The following VASH2 variants were observed in gnomAD, a reference collection of about 807,000 sequenced individuals.
VASH2 encodes vasohibin 2.
A neutral mutation model predicts 37.2 loss-of-function variants in VASH2; 28 were observed. The ratio of observed to expected loss-of-function variants is 0.75; its 90% CI spans 0.56 to 1.03. The LOEUF is 1.03. Ranked by LOEUF, VASH2 falls within the 50% of genes least tolerant of loss-of-function variation. VASH2 has a pLI of 0.00. For missense variants in VASH2, 419 were observed against 459.1 expected, an observed-to-expected ratio of 0.91 and a Z score of 0.80; for synonymous variants, 188 against 174.7, an observed-to-expected ratio of 1.08 and a Z score of -0.60.
intron 7 of VASH2, among the ~76,000 whole-genome samples, chr1:212,978,809 G>A (rs990521519): frequency 2.0e-5 from 3 of 152,180 alleles, no homozygotes; most frequent in Non-Finnish European, 2.9e-5. Flanking sequence ...AGCAAATCCA[G>A]TAAGACTATG....
chr1:212,981,780 C>T (rs1352427456), intron 7 of VASH2, among the ~76,000 whole-genome samples: 2 of 152,186 alleles, frequency 1.3e-5, no homozygotes, highest in Non-Finnish European at 2.9e-5. Context: ...TGAGGGAACC[C>T]TGTGAACTTC....
intron 6 of VASH2, chr1:212,973,715 G>A (rs41309631): frequency 0.027 from 34,879 of 1,306,174 alleles, 519 homozygotes; most frequent in East Asian, 0.036. Context: ...CACGGCACAG[G>A]GAGCACAATG....
At position 212,970,911 on chromosome 1, in the gene VASH2, C is replaced by T. The variant is rs1666993374; in HGVS notation, c.498-1669C>T. 2.0e-5 allele frequency among the ~76,000 whole-genome samples: 3 copies of T among 148,606 alleles called. No individual in the cohort carries two copies. The Admixed American group carries it at 2.1e-4, about 10-fold the overall frequency. On this transcript the variant is annotated intron_variant, in intron 5 of 7. Transcript: ENST00000517399. ...TCTCAAAAAAATGAAAAAAAAAAGA[C>T]CACCATTCCTCCCCAGAAATGAAAC...
At chr1:212,956,754 T>C (rs1666508883) in intron 2 of VASH2, among the ~76,000 whole-genome samples, 1 of 152,246 alleles carries the variant, frequency 6.6e-6, no homozygotes, top group South Asian at 2.1e-4. Context: ...TTAATTTGCA[T>C]TTCTTATATT....
Position 212,951,895 on chromosome 1 carries a change from C to T in VASH2, c.276+77C>T. Reference sequence around the variant, plus strand: ...TGGGACCGTTTCAGCCTATACATAGCAAACACAGGCAATCTCCATTTTCCT... The same window carrying T: ...TGGGACCGTTTCAGCCTATACATAGTAAACACAGGCAATCTCCATTTTCCT... On this transcript the variant is annotated intron_variant, in intron 2 of 7. Transcript: ENST00000517399. The surrounding 1 kb of genome is among the most constrained non-coding windows in gnomAD (Gnocchi z 4.4). 6.9e-7 allele frequency: 1 copy of T among 1,450,060 alleles called. No individual in the cohort carries two copies. The highest frequency in any genetic ancestry group is 2.1e-5 in the Admixed American group (1 of 46,926). 89.8% of individuals were successfully genotyped at this position (1,450,060 alleles called of 1,614,324 possible). A position where few individuals can be genotyped will look rare whatever the true frequency, so the allele number is the denominator to read the frequency against.
intron 6 of VASH2, chr1:212,973,399 T>C (rs1284470933): frequency 1.5e-6 from 2 of 1,291,650 alleles, no homozygotes; most frequent in Non-Finnish European, 2.0e-6. Flanking sequence ...AGTGATGTGA[T>C]TCCCGCTTGT....
intron 3 of VASH2, among the ~76,000 whole-genome samples, chr1:212,962,305 A>C (rs1430526107): frequency 6.6e-6 from 1 of 152,202 alleles, no homozygotes; most frequent in East Asian, 1.9e-4. Context: ...GAGGAGTCAG[A>C]TGGGAAGCTG....
chr1:212,957,243 A>C (rs557949014), intron 2 of VASH2, among the ~76,000 whole-genome samples: 1 of 152,194 alleles, frequency 6.6e-6, no homozygotes, highest in Non-Finnish European at 1.5e-5. Context: ...ACTGTATACC[A>C]TCGTATATTC....
intron 4 of VASH2, 99 bp from the exon 5 acceptor site, chr1:212,966,171 TG>T: frequency 9.9e-7 from 1 of 1,010,062 alleles, no homozygotes; most frequent in Non-Finnish European, 1.5e-6. Flanking sequence ...TGCTCCTGTG[TG>T]GTTCCTGGTG....
intron 2 of VASH2, among the ~76,000 whole-genome samples, chr1:212,960,648 C>T (rs1666645776): frequency 6.6e-6 from 1 of 152,210 alleles, no homozygotes; most frequent in Non-Finnish European, 1.5e-5. Context: ...CCTTGGCCTC[C>T]CAAAGTGCTG....
At chr1:212,966,752 C>A (rs1666861760) in intron 5 of VASH2, among the ~76,000 whole-genome samples, 1 of 152,188 alleles carries the variant, frequency 6.6e-6, no homozygotes. Flanking sequence ...AGTATCCAAA[C>A]CCATCTCCAG....
intron 5 of VASH2, among the ~76,000 whole-genome samples, chr1:212,969,629 G>A (rs2102640394): frequency 6.6e-6 from 1 of 152,318 alleles, no homozygotes; most frequent in South Asian, 2.1e-4. Context: ...TTGAACTCCT[G>A]ACCTCAGGTG....
chr1:212,972,882 T>C lies in VASH2; in HGVS notation c.800T>C (p.Leu267Pro). 6.2e-7 allele frequency: 1 copy of C among 1,614,118 alleles called. No homozygotes were observed. The highest frequency in any genetic ancestry group is 1.1e-5 in the South Asian group (1 of 91,076). The change falls in exon 6 of 8, where the codon CTG becomes CCG. Residue 267 changes from leucine to proline, a missense_variant. By Grantham distance (98) the Leu-to-Pro change is moderately conservative. Coordinates refer to ENST00000517399, the MANE Select transcript of VASH2 (RefSeq NM_001301056.2). ...HSFQPIEWKQ[L>P]VLNVSKMLRA... Reference sequence around the variant, plus strand: ...TTCCAGCCCATTGAGTGGAAGCAGCTGGTCCTCAACGTCTCAAAGATGCTG... The same window carrying C: ...TTCCAGCCCATTGAGTGGAAGCAGCCGGTCCTCAACGTCTCAAAGATGCTG...
intron 2 of VASH2, among the ~76,000 whole-genome samples, chr1:212,953,248 C>G (rs575061407): frequency 9.4e-4 from 142 of 151,870 alleles, no homozygotes; most frequent in Non-Finnish European, 1.9e-3. Context: ...GGTGCATTCT[C>G]TATGTGGGAA....
chr1:212,960,917 G>A (rs1014189957), intron 2 of VASH2, among the ~76,000 whole-genome samples: 25 of 152,182 alleles, frequency 1.6e-4, no homozygotes, highest in African/African-American at 5.8e-4. Flanking sequence ...CAGCACGGAG[G>A]GCCATAGAGA....
At chr1:212,967,302 C>G in intron 5 of VASH2, 1 of 1,251,790 alleles carries the variant, frequency 8.0e-7, no homozygotes, top group Non-Finnish European at 1.0e-6. Flanking sequence ...ATTCGAGCAT[C>G]ATGCCATTGG....
At chr1:212,975,266 C>G (rs1359090375) in intron 7 of VASH2, among the ~76,000 whole-genome samples, 2 of 152,212 alleles carry the variant, frequency 1.3e-5, no homozygotes, top group African/African-American at 4.8e-5. Context: ...AAGGAAGGTT[C>G]TTTACTTGCC....
At chr1:212,973,633 G>A (rs975275161) in intron 6 of VASH2, 1 of 1,226,038 alleles carries the variant, frequency 8.2e-7, no homozygotes, top group Non-Finnish European at 1.0e-6. Context: ...GCCTTCGTGA[G>A]GAGAGGAACT....
Position 212,951,486 on chromosome 1 carries a change from G to T in VASH2, c.-57G>T, listed in dbSNP as rs1666302153. 3.9e-5 allele frequency: 45 copies of T among 1,155,174 alleles called. No individual in the cohort carries two copies. In the East Asian group the frequency reaches 1.7e-3, roughly 44 times the overall value. The allele number at this position is 1,155,174 out of a possible 1,614,324, so 71.6% of individuals were successfully genotyped here. A position where few individuals can be genotyped will look rare whatever the true frequency, so the allele number is the denominator to read the frequency against. On this transcript the variant is annotated 5_prime_UTR_variant, in exon 2 of 8. Transcript: ENST00000517399. This position sits in a 1 kb window ranked among gnomAD's most constrained non-coding sequence, Gnocchi z 4.4. ...CCGCGCGCACACGCCCCCCGCCGCC[G>T]CCGCCGCTGCCGCCGCCGCGCGCCC...
Sources: allele counts gnomAD v4.1 joint callset (sites outside exome capture counted in the v4.1 genomes callset), GRCh38; gene constraint gnomAD v4.1.1; non-coding constraint Gnocchi (gnomAD v3.1); transcripts MANE v1.5; gene names NCBI Gene and HGNC (gene_info 2026-07-23, HGNC 2026-07-21).